Variants in TM6SF1 observed in about 807,000 individuals in gnomAD.
TM6SF1 encodes the protein transmembrane 6 superfamily member 1.
A neutral mutation model predicts 47.1 loss-of-function variants in TM6SF1; 43 were observed. That is an observed-to-expected ratio of 0.91 (90% confidence interval 0.72 to 1.18). The LOEUF (loss-of-function observed/expected upper bound fraction) is 1.18. TM6SF1 is among the 50% of genes most tolerant of loss of function. The probability of loss-of-function intolerance (pLI) is 0.00; values close to 1 mark genes in which losing one functional copy is unlikely to be tolerated. For missense variants in TM6SF1, 390 were observed against 449.0 expected, an observed-to-expected ratio of 0.87 and a Z score of 1.19; for synonymous variants, 177 against 166.3, an observed-to-expected ratio of 1.06 and a Z score of -0.49.
intron 7 of TM6SF1, among the ~76,000 whole-genome samples, chr15:83,125,479 A>G (rs563520619): frequency 1.3e-5 from 2 of 152,330 alleles, no homozygotes; most frequent in Non-Finnish European, 2.9e-5. Flanking sequence ...GTAAAATAAC[A>G]CTACCTACCT....
rs557414118 is a variant in TM6SF1, at chr15:83,136,578, T to C, written c.1019T>C (p.Ile340Thr). 2 of 1,613,908 alleles carry C rather than the reference T, an allele frequency of 1.2e-6. No individual in the cohort carries two copies. The highest frequency in any genetic ancestry group is 3.3e-5 in the Admixed American group (2 of 59,996). ...EAKILFLALN[I>T]AYGVLPQLLA... ...AAAATCCTTTTTTTAGCATTAAACA[T>C]AGCATATGGAGTTCTTCCTCAGCTC... The change falls in exon 10 of 10, where the codon ATA becomes ACA. Residue 340 changes from isoleucine to threonine, a missense_variant. Ile to Thr is a moderately conservative substitution (Grantham distance 89). Coordinates refer to ENST00000322019, the MANE Select transcript of TM6SF1 (RefSeq NM_023003.5).
In TM6SF1 at chr15:83,137,329, T is replaced by A. The variant is rs1021240987; in HGVS notation, c.*657T>A. ...AATATTTCTATTGTATTTCTGTGTA[T>A]ATTTTTAATAAAATTATTTTTGGCC... is the stretch of plus-strand genomic sequence containing the variant. On this transcript the variant is annotated 3_prime_UTR_variant, in exon 10 of 10. Transcript: ENST00000322019. The A allele has an allele frequency of 6.6e-6, 1 of 152,154 alleles. No homozygotes were observed. The highest frequency in any genetic ancestry group is 1.5e-5 in the Non-Finnish European group (1 of 67,988). 9.4% of individuals were successfully genotyped at this position (152,154 alleles called of 1,614,324 possible).
intron 7 of TM6SF1, 92 bp from the exon 8 acceptor site, chr15:83,126,663 C>A: frequency 1.0e-6 from 1 of 988,942 alleles, no homozygotes; most frequent in Non-Finnish European, 1.5e-6. Context: ...AGCAAAGCAG[C>A]TTGTGACTAA....
chr15:83,121,930 T>C lies in TM6SF1; in HGVS notation c.408T>C (p.Tyr136=), dbSNP rs367826305. The part of the protein sequence containing the change: ...MVAAIAWEET[Y]RTIGLYWVGS... ...GTTGTTGTTGTTACAGGGAAACTTA[T>C]AGAACCATTGGCCTATATTGGGTTG... is the stretch of plus-strand genomic sequence containing the variant. The change falls in exon 5 of 10, where the codon TAT becomes TAC. Residue 136 remains tyrosine (Y), a synonymous_variant. Coordinates refer to ENST00000322019, the MANE Select transcript of TM6SF1 (RefSeq NM_023003.5). The C allele has an allele frequency of 6.2e-6, 10 of 1,606,442 alleles. No individual in the cohort carries two copies. Among genetic ancestry groups the C allele is most frequent in the South Asian group, 2.3e-5 (2 of 88,170 alleles).
At chr15:83,127,238 C>T in intron 8 of TM6SF1, 120 bp from the exon 9 acceptor site, 1 of 974,798 alleles carries the variant, frequency 1.0e-6, no homozygotes, top group Non-Finnish European at 1.4e-6. Flanking sequence ...AAAAAAGAGT[C>T]CCATATAGGA....
At chr15:83,121,726 G>C (rs1230714657) in intron 4 of TM6SF1, among the ~76,000 whole-genome samples, 195 bp from the exon 5 acceptor site, 1 of 152,318 alleles carries the variant, frequency 6.6e-6, no homozygotes, top group African/African-American at 2.4e-5. Context: ...CACGAAGAAG[G>C]TTCTATAGTA....
At chr15:83,114,734 G>C (rs1283468931) in intron 2 of TM6SF1, 2 of 152,210 alleles carry the variant, frequency 1.3e-5, no homozygotes, top group African/African-American at 4.8e-5. Flanking sequence ...TTCTGTCCAT[G>C]TCCATCCCAT....
intron 7 of TM6SF1, among the ~76,000 whole-genome samples, chr15:83,125,328 T>C (rs1326051289): frequency 6.6e-6 from 1 of 152,158 alleles, no homozygotes; most frequent in South Asian, 2.1e-4. Context: ...GCATTTCATG[T>C]TTTCTATTTT....
intron 3 of TM6SF1, among the ~76,000 whole-genome samples, chr15:83,117,008 G>A (rs1403210373): frequency 6.6e-6 from 1 of 152,222 alleles, no homozygotes; most frequent in African/African-American, 2.4e-5. Flanking sequence ...GTGGGGAGAT[G>A]GAATTGTCCC....
chr15:83,120,698 A>G (rs1252996893), intron 4 of TM6SF1, among the ~76,000 whole-genome samples: 4 of 149,774 alleles, frequency 2.7e-5, no homozygotes, highest in Non-Finnish European at 4.4e-5. Context: ...AGCTGGGACT[A>G]CAGGCGTGTG....
intron 8 of TM6SF1, 118 bp from the exon 9 acceptor site, chr15:83,127,240 C>T (rs973493952): frequency 2.0e-6 from 2 of 1,011,756 alleles, no homozygotes; most frequent in Non-Finnish European, 2.7e-6. Flanking sequence ...AAAAGAGTCC[C>T]ATATAGGAAA....
At chr15:83,117,373 C>T (rs984392889) in intron 3 of TM6SF1, among the ~76,000 whole-genome samples, 3 of 152,114 alleles carry the variant, frequency 2.0e-5, no homozygotes, top group South Asian at 2.1e-4. Flanking sequence ...CACGGGCCAT[C>T]GGAGTGCAGT....
intron 9 of TM6SF1, chr15:83,135,091 C>A (rs2036522661): frequency 6.6e-6 from 1 of 152,144 alleles, no homozygotes; most frequent in Non-Finnish European, 1.5e-5. Context: ...TGGTCCTTGG[C>A]AATACATCAT....
chr15:83,112,262 A>T (rs34471356), intron 1 of TM6SF1, among the ~76,000 whole-genome samples: 40,421 of 151,982 alleles, frequency 0.27, 5,816 homozygotes, highest in East Asian at 0.53. Context: ...TTCTCCATGG[A>T]TTTCCTGGCC....
chr15:83,127,711 C>T (rs760510163), intron 9 of TM6SF1: 1 of 400,946 alleles, frequency 2.5e-6, no homozygotes, highest in South Asian at 2.8e-5. Context: ...TATCTGTGGT[C>T]CAGTGAAGTT....
At chr15:83,114,049 A>G (rs945200917) in intron 2 of TM6SF1, 1 of 152,312 alleles carries the variant, frequency 6.6e-6, no homozygotes. Flanking sequence ...TCATTAGATG[A>G]GCTGGGTCCG....
chr15:83,124,678 C>A lies in TM6SF1; in HGVS notation c.610C>A (p.Gln204Lys). 1 of 1,613,744 alleles carries A rather than the reference C, an allele frequency of 6.2e-7. No homozygotes were observed. The highest frequency in any genetic ancestry group is 8.5e-7 in the Non-Finnish European group (1 of 1,179,808). Reference sequence around the variant, plus strand: ...GGTACAAACTCTATTTTAGGTTATTCAAGAAGCCCAAGCGAAAGACCTGCT... The same window carrying A: ...GGTACAAACTCTATTTTAGGTTATTAAAGAAGCCCAAGCGAAAGACCTGCT... ...ENYNYPSKVIQEAQAKDLLRR... is the reference protein window; with the variant it reads ...ENYNYPSKVIKEAQAKDLLRR... Residue 204 changes from glutamine (Q) to lysine (K), a missense_variant, in exon 7 of 10, where the codon CAA becomes AAA. Transcript: ENST00000322019.
chr15:83,112,134 T>G (rs1346169519), intron 1 of TM6SF1, among the ~76,000 whole-genome samples: 2 of 152,104 alleles, frequency 1.3e-5, no homozygotes, highest in Non-Finnish European at 2.9e-5. Context: ...ATCCAGGGGA[T>G]GTACTCAACT....
chr15:83,132,596 G>A (rs1412450470), intron 9 of TM6SF1: 1 of 152,000 alleles, frequency 6.6e-6, no homozygotes, highest in Non-Finnish European at 1.5e-5. Context: ...GTCTTGCTAT[G>A]TTGCCCAGGC....
Sources: gnomAD v4.1 joint callset for allele counts (sites outside exome capture counted in the v4.1 genomes callset) on GRCh38, gnomAD v4.1.1 for gene constraint, MANE v1.5 for transcripts, NCBI Gene and HGNC (gene_info 2026-07-23, HGNC 2026-07-21) for gene names.